Variants in MYO1D observed in about 807,000 individuals in gnomAD.
The protein encoded by MYO1D is myosin ID.
A neutral mutation model predicts 122.0 loss-of-function variants in MYO1D; 83 were observed. The ratio of observed to expected loss-of-function variants is 0.68; its 90% confidence interval spans 0.57 to 0.82. MYO1D has a LOEUF of 0.82. Among genes scored for constraint, MYO1D ranks in the 40% least tolerant of loss-of-function variants. The probability of loss-of-function intolerance (pLI) is 0.00; values close to 1 mark genes in which losing one functional copy is unlikely to be tolerated. For synonymous variants in MYO1D, 464 were observed against 446.9 expected (o/e 1.04, Z -0.48); for missense variants, 1,157 against 1,269.5 (o/e 0.91, Z 1.35).
Position 32,772,771 on chromosome 17 carries a change from G to A in MYO1D, c.618+18C>T, listed in dbSNP as rs1361583147. ...CAACTGGGCAAATGATCAATTATCT[G>A]TATAATGGATTACTAACCTGATAGA... On this transcript the variant is annotated intron_variant, in intron 5 of 21. Transcript: ENST00000318217. 6.3e-7 allele frequency: 1 copy of A among 1,577,436 alleles called. No individual in the cohort carries two copies. Among genetic ancestry groups the A allele is most frequent in the Non-Finnish European group, 8.7e-7 (1 of 1,146,438 alleles).
At chr17:32,850,484 T>G (rs1379878655) in intron 1 of MYO1D, among the ~76,000 whole-genome samples, 2 of 152,222 alleles carry the variant, frequency 1.3e-5, no homozygotes, top group Non-Finnish European at 1.5e-5. Flanking sequence ...TTGATATTAA[T>G]TTTTTAAAAG....
intron 16 of MYO1D, among the ~76,000 whole-genome samples, chr17:32,677,559 CA>C (rs758454273): frequency 7.0e-6 from 1 of 143,146 alleles, no homozygotes; most frequent in African/African-American, 2.6e-5. Context: ...GGGAAGTCAT[CA>C]GGGGATATAT....
chr17:32,770,091 C>T (rs527805319), intron 6 of MYO1D, among the ~76,000 whole-genome samples: 23 of 152,210 alleles, frequency 1.5e-4, no homozygotes, highest in Admixed American at 8.5e-4. Context: ...ACATCCTGCT[C>T]GCTCTCAGAT....
chr17:32,588,875 G>A (rs1259494368), intron 21 of MYO1D, among the ~76,000 whole-genome samples: 1 of 152,034 alleles, frequency 6.6e-6, no homozygotes, highest in Non-Finnish European at 1.5e-5. Flanking sequence ...CTCAGGAGGT[G>A]GAGGGTGCAG....
At chr17:32,837,275 CTG>C (rs1468428432) in intron 1 of MYO1D, among the ~76,000 whole-genome samples, 1 of 100,692 alleles carries the variant, frequency 9.9e-6, no homozygotes, top group Non-Finnish European at 2.0e-5. Context: ...TTTAACTGGG[CTG>C]TTTGTCTTTT....
At chr17:32,588,606 G>A (rs1286693614) in intron 21 of MYO1D, among the ~76,000 whole-genome samples, 1 of 152,090 alleles carries the variant, frequency 6.6e-6, no homozygotes, top group African/African-American at 2.4e-5. Flanking sequence ...CCATGAACTG[G>A]TATTGGGCAA....
In MYO1D at chr17:32,534,650, C is replaced by T. The variant is rs113635612; in HGVS notation, c.2865-39735G>A. On this transcript the variant is annotated intron_variant, in intron 21 of 21. Coordinates refer to ENST00000318217, the MANE Select transcript of MYO1D (RefSeq NM_015194.3). ...TCCTATAATAATCTGTTGCAAAGGG[C>T]GAAGTACAAAAAACAGCTGAAGAGT... Among the ~76,000 whole-genome samples the T allele has an allele frequency of 1.6e-4, 25 of 152,182 alleles. No homozygotes were observed. In the East Asian group the frequency reaches 3.3e-3, roughly 20 times the overall value.
chr17:32,818,297 G>A (rs1009158255), intron 1 of MYO1D, among the ~76,000 whole-genome samples: 3 of 151,930 alleles, frequency 2.0e-5, no homozygotes, highest in African/African-American at 7.3e-5. Context: ...ACTGTGGATC[G>A]CTGCTGCCCC....
rs559099274 is a variant in MYO1D at position 32,710,104 on chromosome 17, G to C, written c.2121+1884C>G. On this transcript the variant is annotated intron_variant, in intron 16 of 21. Transcript: ENST00000318217. ...CTTAAAATGTATACTGCAGAATAAA[G>C]GTCTATGTATAGGTTAATCAACCTT... Among the ~76,000 whole-genome samples the C allele has an allele frequency of 1.2e-4, 19 of 152,074 alleles. No individual in the cohort carries two copies. The East Asian group carries it at 2.9e-3, about 23-fold the overall frequency.
intron 1 of MYO1D, among the ~76,000 whole-genome samples, chr17:32,832,038 T>G (rs1318894888): frequency 6.6e-6 from 1 of 152,214 alleles, no homozygotes; most frequent in African/African-American, 2.4e-5. Flanking sequence ...TGCAGTGTCA[T>G]GTATACACTA....
intron 21 of MYO1D, among the ~76,000 whole-genome samples, chr17:32,569,886 C>T (rs1473745742): frequency 6.6e-6 from 1 of 152,020 alleles, no homozygotes; most frequent in East Asian, 1.9e-4. Flanking sequence ...GAAGGTATCA[C>T]AGGGCAAGTC....
chr17:32,811,537 T>A (rs1236307153), intron 1 of MYO1D, among the ~76,000 whole-genome samples: 1 of 152,090 alleles, frequency 6.6e-6, no homozygotes, highest in Non-Finnish European at 1.5e-5. Flanking sequence ...TATCTTTTAC[T>A]TCTAATCATG....
intron 21 of MYO1D, among the ~76,000 whole-genome samples, chr17:32,550,972 A>C (rs1379685815): frequency 7.2e-6 from 1 of 139,018 alleles, no homozygotes; most frequent in East Asian, 2.1e-4. Context: ...TGTCAAAAAA[A>C]AGAGAAAGAA....
chr17:32,524,379 T>G (rs1338042028), intron 21 of MYO1D, among the ~76,000 whole-genome samples: 1 of 152,068 alleles, frequency 6.6e-6, no homozygotes, highest in African/African-American at 2.4e-5. Context: ...AAAAATGAAC[T>G]TACATTTCAT....
At chr17:32,598,599 T>C (rs775148835) in intron 21 of MYO1D, among the ~76,000 whole-genome samples, 21 of 152,206 alleles carry the variant, frequency 1.4e-4, no homozygotes, top group Non-Finnish European at 2.9e-4. Flanking sequence ...AGGCATAACC[T>C]GGAGATATTT....
chr17:32,671,404 C>T (rs1414644836), intron 16 of MYO1D, among the ~76,000 whole-genome samples: 5 of 152,204 alleles, frequency 3.3e-5, no homozygotes, highest in African/African-American at 1.2e-4. Context: ...AATCCTGTGT[C>T]AATATGATAA....
intron 1 of MYO1D, among the ~76,000 whole-genome samples, chr17:32,871,691 C>T (rs141391848): frequency 7.4e-4 from 112 of 152,320 alleles, no homozygotes; most frequent in African/African-American, 2.4e-3. Context: ...TCAAGGACAC[C>T]GTCCGTGGCT....
chr17:32,599,937 G>A (rs776296618), intron 21 of MYO1D, among the ~76,000 whole-genome samples: 3 of 152,230 alleles, frequency 2.0e-5, no homozygotes, highest in African/African-American at 4.8e-5. Flanking sequence ...ATAGGCGTGA[G>A]CCACTGTGCC....
At chr17:32,860,861 T>G (rs991121543) in intron 1 of MYO1D, among the ~76,000 whole-genome samples, 4 of 152,170 alleles carry the variant, frequency 2.6e-5, no homozygotes, top group Admixed American at 2.6e-4. Context: ...CTCAAGAGAC[T>G]TCATCAGAGA....
Sources: allele counts gnomAD v4.1 joint callset (sites outside exome capture counted in the v4.1 genomes callset), GRCh38; gene constraint gnomAD v4.1.1; transcripts MANE v1.5; gene names NCBI Gene and HGNC (gene_info 2026-07-23, HGNC 2026-07-21).